Variants in GPATCH11 observed in about 807,000 individuals in gnomAD.
The protein encoded by GPATCH11 is G patch domain-containing protein 11.
A neutral mutation model predicts 44.8 loss-of-function variants in GPATCH11; 32 were observed. That is an observed-to-expected ratio of 0.71 (90% CI 0.54 to 0.96). The LOEUF (loss-of-function observed/expected upper bound fraction) is 0.96. Ranked by LOEUF, GPATCH11 falls within the 40% of genes least tolerant of loss-of-function variation. GPATCH11 has a pLI of 0.00. For missense variants in GPATCH11, 324 were observed against 303.1 expected, an observed-to-expected ratio of 1.07 and a Z score of -0.51; for synonymous variants, 84 against 94.4, an observed-to-expected ratio of 0.89 and a Z score of 0.64.
In GPATCH11 at chr2:37,098,793, T is replaced by G. The variant is rs1572988633; in HGVS notation, c.*2530T>G. The G allele has an allele frequency of 6.6e-6, 1 of 152,150 alleles. No homozygotes were observed. The highest frequency in any genetic ancestry group is 1.5e-5 in the Non-Finnish European group (1 of 68,068). 9.4% of individuals were successfully genotyped at this position (152,150 alleles called of 1,614,324 possible). On this transcript the variant is annotated 3_prime_UTR_variant, in exon 9 of 9. Coordinates refer to ENST00000674370, the MANE Select transcript of GPATCH11 (RefSeq NM_174931.4). ...CGGGTGCAGTGGTGCATGCCTTTGGTCCCAGCTACTCAGGGGGCTGAGATG... is the reference window on the plus strand; with the variant it reads ...CGGGTGCAGTGGTGCATGCCTTTGGGCCCAGCTACTCAGGGGGCTGAGATG...
At chr2:37,094,051 T>C in intron 6 of GPATCH11, 31 bp from the exon 7 acceptor site, 2 of 1,194,464 alleles carry the variant, frequency 1.7e-6, no homozygotes, top group Non-Finnish European at 2.5e-6. Flanking sequence ...ATGTTTAGTA[T>C]GTTTAATTGA....
At chr2:37,096,017 C>T (rs1004137877) in intron 8 of GPATCH11, among the ~76,000 whole-genome samples, 191 bp from the exon 9 acceptor site, 1 of 152,080 alleles carries the variant, frequency 6.6e-6, no homozygotes, top group Non-Finnish European at 1.5e-5. Flanking sequence ...CCCAAGCTAC[C>T]TTTGCTAACT....
rs375915588 is a variant in GPATCH11, at chr2:37,091,992, T to A, written c.405T>A (p.Ile135=). Residue 135 remains isoleucine, a synonymous_variant, in exon 5 of 9, where the codon ATT becomes ATA. Transcript: ENST00000674370. ...EEKLESYRKK[I]HMKNQAEEKA... ...AATTGGAAAGCTACAGAAAAAAGAT[T>A]CACATGAAAAACCAAGCTGAAGAAA... 6 of 1,613,338 alleles carry A rather than the reference T, an allele frequency of 3.7e-6. No homozygotes were observed. The highest frequency in any genetic ancestry group is 5.1e-6 in the Non-Finnish European group (6 of 1,179,506).
In GPATCH11 at chr2:37,089,877, T is replaced by C. The variant is rs1457058091; in HGVS notation, c.286+11T>C. 1.3e-6 allele frequency: 2 copies of C among 1,532,572 alleles called. No homozygotes were observed. The highest frequency in any genetic ancestry group is 1.8e-6 in the Non-Finnish European group (2 of 1,130,366). 94.9% of individuals were successfully genotyped at this position (1,532,572 alleles called of 1,614,324 possible). ...CACTTGGCAAGAGTGGTAAGTCACATGTGGAAATAAACAGGTATTCCTTAC... is the reference window on the plus strand; with the variant it reads ...CACTTGGCAAGAGTGGTAAGTCACACGTGGAAATAAACAGGTATTCCTTAC... On this transcript the variant is annotated intron_variant, in intron 3 of 8. Coordinates refer to ENST00000674370, the MANE Select transcript of GPATCH11 (RefSeq NM_174931.4).
intron 1 of GPATCH11, among the ~76,000 whole-genome samples, chr2:37,087,214 A>G (rs576139416): frequency 6.6e-6 from 1 of 152,326 alleles, no homozygotes; most frequent in African/African-American, 2.4e-5. Context: ...GAGTACTATA[A>G]TTGACCATCT....
intron 4 of GPATCH11, among the ~76,000 whole-genome samples, chr2:37,091,079 C>T (rs1251037446): frequency 6.6e-6 from 1 of 152,024 alleles, no homozygotes; most frequent in African/African-American, 2.4e-5. Flanking sequence ...AATCCCAGCA[C>T]TTTGGGTGGC....
chr2:37,090,959 A>G (rs1673288803), intron 4 of GPATCH11, among the ~76,000 whole-genome samples: 1 of 152,224 alleles, frequency 6.6e-6, no homozygotes, highest in African/African-American at 2.4e-5. Flanking sequence ...TTGAATGTGC[A>G]ATACTGTTTT....
At position 37,094,716 on chromosome 2, in the gene GPATCH11, T is replaced by G. The variant is rs576527515; in HGVS notation, c.654+521T>G. Among the ~76,000 whole-genome samples, 3 of 152,210 alleles carry G rather than the reference T, an allele frequency of 2.0e-5. No individual in the cohort carries two copies. In the East Asian group the frequency reaches 5.8e-4, roughly 29 times the overall value. On this transcript the variant is annotated intron_variant, in intron 7 of 8. Transcript: ENST00000674370. ...AAACACTTTGGGAGACCAAAACTGG[T>G]GGATCACTTGAGGTCAGGAGTTTAA...
chr2:37,094,111 C>G lies in GPATCH11; in HGVS notation c.570C>G (p.Tyr190Ter). Reference sequence around the variant, plus strand: ...TTCAGGTTCCCAGGGAAGCATGGTACTGGTTGAGGCTTGAAGAGGAGACTG... The same window carrying G: ...TTCAGGTTCCCAGGGAAGCATGGTAGTGGTTGAGGCTTGAAGAGGAGACTG... ...KNIQVPREAW[Y>*]WLRLEEETEE... Residue 190 changes from tyrosine to a stop codon, truncating the protein, a stop_gained, in exon 7 of 9, where the codon TAC (tyrosine) becomes TAG (stop). Coordinates refer to ENST00000674370, the MANE Select transcript of GPATCH11 (RefSeq NM_174931.4). LOFTEE classifies it high-confidence loss of function. 6.3e-7 allele frequency: 1 copy of G among 1,598,698 alleles called. No homozygotes were observed. Among genetic ancestry groups the G allele is most frequent in the East Asian group, 2.2e-5 (1 of 44,636 alleles).
Position 37,091,955 on chromosome 2 carries a change from A to G in GPATCH11, c.368A>G (p.Lys123Arg). ...GIGHEASLKRKAEEKLESYRK... is the reference protein window; with the variant it reads ...GIGHEASLKRRAEEKLESYRK... ...GGTCATGAGGCATCATTAAAACGGA[A>G]AGCAGAGGAAAAATTGGAAAGCTAC... The change falls in exon 5 of 9, where the codon AAA becomes AGA. Residue 123 changes from lysine (K) to arginine (R), a missense_variant. Lys to Arg is a conservative substitution (Grantham distance 26). Coordinates refer to ENST00000674370, the MANE Select transcript of GPATCH11 (RefSeq NM_174931.4). 1 of 1,613,210 alleles carries G rather than the reference A, an allele frequency of 6.2e-7. No homozygotes were observed. The highest frequency in any genetic ancestry group is 8.5e-7 in the Non-Finnish European group (1 of 1,179,382).
chr2:37,086,797 TCAAAAAA>T (rs942798249), intron 1 of GPATCH11, among the ~76,000 whole-genome samples: 1 of 152,110 alleles, frequency 6.6e-6, no homozygotes, highest in Non-Finnish European at 1.5e-5. Flanking sequence ...AGATTCTGTC[TCAAAAAA>T]CAAAAAAGAA....
chr2:37,099,136 G>A lies in GPATCH11; in HGVS notation c.*2873G>A, dbSNP rs1211121170. 1 of 152,150 alleles carries A rather than the reference G, an allele frequency of 6.6e-6. No homozygotes were observed. Among genetic ancestry groups the A allele is most frequent in the Admixed American group, 6.6e-5 (1 of 15,264 alleles). The allele number at this position is 152,150 out of a possible 1,614,324, so 9.4% of individuals were successfully genotyped here. ...AAGTCCTATCTAGAAATTCTAAAAT[G>A]TCTAATTTTCTTAATTAAAAATCCA... is the stretch of plus-strand genomic sequence containing the variant. On this transcript the variant is annotated 3_prime_UTR_variant, in exon 9 of 9. Transcript: ENST00000674370.
intron 7 of GPATCH11, 68 bp from the exon 8 acceptor site, chr2:37,095,369 G>A (rs879308449): frequency 9.9e-6 from 15 of 1,519,792 alleles, no homozygotes; most frequent in Middle Eastern, 1.7e-4. Flanking sequence ...AATTCGGCAC[G>A]ATCTAAGAGC....
intron 2 of GPATCH11, 150 bp from the exon 3 acceptor site, chr2:37,089,490 C>T (rs1377143604): frequency 1.6e-6 from 1 of 622,052 alleles, no homozygotes; most frequent in Non-Finnish European, 2.8e-6. Flanking sequence ...TCGGTTGAAC[C>T]CAGGAGGCGG....
rs1673691973 is a variant in GPATCH11, at chr2:37,098,347, TGTATGTATATATATATATATATAG to T, written c.*2085_*2108del. ...CAAAAAAAAAAATTATATATATATA[TGTATGTATATATATATATATATAG>T]AGAGAGAGAGAGAGAGAGAGCTATT... On this transcript the variant is annotated 3_prime_UTR_variant, in exon 9 of 9. Transcript: ENST00000674370. 9.1e-6 allele frequency: 1 copy of T among 110,414 alleles called. No homozygotes were observed. The allele number at this position is 110,414 out of a possible 1,614,324, so 6.8% of individuals were successfully genotyped here.
intron 1 of GPATCH11, among the ~76,000 whole-genome samples, chr2:37,086,557 G>T (rs1048934087): frequency 1.3e-5 from 2 of 152,316 alleles, no homozygotes; most frequent in South Asian, 4.1e-4. Context: ...CACTTTGGGA[G>T]ACCGAGTGAG....
chr2:37,089,731 A>G lies in GPATCH11; in HGVS notation c.151A>G (p.Arg51Gly), dbSNP rs1228408413. The change falls in exon 3 of 9, where the codon AGG becomes GGG. Residue 51 changes from arginine (R) to glycine (G), a missense_variant. Coordinates refer to ENST00000674370, the MANE Select transcript of GPATCH11 (RefSeq NM_174931.4). Reference protein sequence around the residue: ...EKQQEANLKNRQKSLKEEEQE... With the variant: ...EKQQEANLKNGQKSLKEEEQE... The stretch of plus-strand genomic sequence containing the variant: ...GCAACAGGAAGCCAATTTGAAAAAC[A>G]GGCAGAAGAGTTTAAAAGAAGAAGA... The G allele has an allele frequency of 1.3e-6, 2 of 1,551,922 alleles. No individual in the cohort carries two copies. Among genetic ancestry groups the G allele is most frequent in the East Asian group, 2.4e-5 (1 of 40,920 alleles).
chr2:37,096,130 T>C, intron 8 of GPATCH11, 78 bp from the exon 9 acceptor site: 3 of 871,984 alleles, frequency 3.4e-6, no homozygotes, highest in East Asian at 2.7e-5. Context: ...GATCAAAAAA[T>C]GCATGTTATG....
intron 2 of GPATCH11, among the ~76,000 whole-genome samples, chr2:37,088,708 G>A (rs991368714): frequency 6.6e-6 from 1 of 152,092 alleles, no homozygotes; most frequent in African/African-American, 2.4e-5. Context: ...TATTTGGAGA[G>A]ACAAGGTCTC....
Sources: allele counts gnomAD v4.1 joint callset (sites outside exome capture counted in the v4.1 genomes callset), GRCh38; gene constraint gnomAD v4.1.1; transcripts MANE v1.5; gene names NCBI Gene and HGNC (gene_info 2026-07-23, HGNC 2026-07-21).